Variants in PTP4A3 observed in about 807,000 individuals in gnomAD.
PTP4A3 encodes the protein protein tyrosine phosphatase 4A3.
Under a neutral mutation model 15.2 loss-of-function variants are expected in PTP4A3, and 9 were observed. The observed-to-expected ratio is 0.59, with a 90% CI of 0.36 to 1.03. PTP4A3 has a LOEUF of 1.03. Ranked by LOEUF, PTP4A3 falls within the 50% of genes least tolerant of loss-of-function variation. PTP4A3 has a pLI of 0.02. For synonymous variants in PTP4A3, 95 were observed against 102.0 expected, an observed-to-expected ratio of 0.93 and a Z score of 0.41; for missense variants, 234 against 252.1, an observed-to-expected ratio of 0.93 and a Z score of 0.49.
At chr8:141,399,518 C>T (rs994240205) in intron 1 of PTP4A3, among the ~76,000 whole-genome samples, 19 of 152,210 alleles carry the variant, frequency 1.2e-4, no homozygotes, top group Non-Finnish European at 2.5e-4. Context: ...AAGGCCTGGC[C>T]CTGGCTCTGC....
chr8:141,400,209 C>T (rs1209390785), intron 1 of PTP4A3, among the ~76,000 whole-genome samples: 1 of 151,982 alleles, frequency 6.6e-6, no homozygotes, highest in African/African-American at 2.4e-5. Context: ...TGTGCCTGGC[C>T]TGCCTCTGCG....
intron 1 of PTP4A3, among the ~76,000 whole-genome samples, chr8:141,410,438 C>T (rs1448505802): frequency 6.6e-6 from 1 of 152,258 alleles, no homozygotes; most frequent in Non-Finnish European, 1.5e-5. Flanking sequence ...GAAGCCCCAT[C>T]CACGCAGGCT....
chr8:141,405,131 G>A (rs1305295832), intron 1 of PTP4A3, among the ~76,000 whole-genome samples: 2 of 152,188 alleles, frequency 1.3e-5, no homozygotes, highest in Non-Finnish European at 2.9e-5. Flanking sequence ...GGGCTGCAGG[G>A]GCTGACCCAG....
chr8:141,395,677 G>T (rs1832431387), intron 1 of PTP4A3, among the ~76,000 whole-genome samples: 1 of 132,844 alleles, frequency 7.5e-6, no homozygotes, highest in Non-Finnish European at 1.5e-5. Context: ...TGGGGAAGGT[G>T]CGTGGGCCAC....
intron 3 of PTP4A3, chr8:141,426,455 CCCTGTCTTCAGT>C (rs1833581963): frequency 4.1e-6 from 4 of 985,454 alleles, no homozygotes; most frequent in African/African-American, 1.7e-5. Context: ...CGCCCCACAG[CCCTGTCTTCAGT>C]CCTTCCTGGC....
chr8:141,428,043 C>T (rs1011314946), intron 5 of PTP4A3, among the ~76,000 whole-genome samples: 3 of 151,962 alleles, frequency 2.0e-5, no homozygotes, highest in Admixed American at 6.6e-5. Flanking sequence ...AGGGACACAG[C>T]GAGGCCACCC....
In PTP4A3 at chr8:141,427,069, G is replaced by A. The variant is rs750716794; in HGVS notation, c.329G>A (p.Arg110Gln). The change falls in exon 4 of 6, where the codon CGG (arginine) becomes CAG (glutamine). Residue 110 changes from arginine (R) to glutamine (Q), a missense_variant and splice_region_variant. Transcript: ENST00000521578. ...VAVHCVAGLGRAPVLVALALI... is the reference protein window; with the variant it reads ...VAVHCVAGLGQAPVLVALALI... The stretch of plus-strand genomic sequence containing the variant: ...GTGCACTGCGTGGCGGGCCTGGGCC[G>A]GTGAGTGTCGGGGCGGGGTAGGGCT... The A allele has an allele frequency of 1.0e-5, 16 of 1,597,518 alleles. No individual in the cohort carries two copies. The highest frequency in any genetic ancestry group is 3.3e-5 in the South Asian group (3 of 90,966).
intron 3 of PTP4A3, 53 bp from the exon 4 acceptor site, chr8:141,426,886 C>T (rs780002553): frequency 1.9e-4 from 302 of 1,579,622 alleles, no homozygotes; most frequent in Non-Finnish European, 2.4e-4. Context: ...GCCCCAGAGC[C>T]GCCTCTCTAC....
At position 141,395,671 on chromosome 8, in the gene PTP4A3, G is replaced by A. The variant is rs1375553905; in HGVS notation, c.-854+3587G>A. On this transcript the variant is annotated intron_variant, in intron 1 of 5. Transcript: ENST00000521578. ...TGCAGCCCCCGTTCATCTACCTGGG[G>A]AAGGTGCGTGGGCCACCCCTCCCTC... Among the ~76,000 whole-genome samples, 90 of 85,058 alleles carry A rather than the reference G, an allele frequency of 1.1e-3. 1 individual carries two copies. Among genetic ancestry groups the A allele is most frequent in the African/African-American group, 2.3e-3 (35 of 15,426 alleles). 55.8% of individuals were successfully genotyped at this position (85,058 alleles called of 152,430 possible).
chr8:141,423,204 C>T (rs1463184662), intron 2 of PTP4A3, among the ~76,000 whole-genome samples: 4 of 152,218 alleles, frequency 2.6e-5, no homozygotes, highest in African/African-American at 9.6e-5. Flanking sequence ...TGTAGAGCAG[C>T]AGGAGGCATT....
chr8:141,418,361 C>T (rs1833153184), intron 1 of PTP4A3, among the ~76,000 whole-genome samples: 1 of 152,222 alleles, frequency 6.6e-6, no homozygotes, highest in Non-Finnish European at 1.5e-5. Context: ...GGTAGCCTCC[C>T]TGAACCTCGA....
At chr8:141,395,209 G>A (rs1458930954) in intron 1 of PTP4A3, among the ~76,000 whole-genome samples, 1 of 147,506 alleles carries the variant, frequency 6.8e-6, no homozygotes, top group Non-Finnish European at 1.5e-5. Flanking sequence ...GGCAGAGAGT[G>A]TGCGCGTGTC....
chr8:141,427,133 C>G, intron 4 of PTP4A3, 64 bp downstream of exon 4: 1 of 1,568,184 alleles, frequency 6.4e-7, no homozygotes, highest in Non-Finnish European at 8.6e-7. Context: ...GGTCTGACAG[C>G]CTCGCTTTTG....
rs1410017056 is a variant in PTP4A3, at chr8:141,425,381, C to T, written c.198+241C>T. 2.6e-5 allele frequency among the ~76,000 whole-genome samples: 4 copies of T among 152,076 alleles called. No homozygotes were observed. Among genetic ancestry groups the T allele is most frequent in the African/African-American group, 4.8e-5 (2 of 41,404 alleles). On this transcript the variant is annotated intron_variant, in intron 3 of 5. Transcript: ENST00000521578. The surrounding 1 kb of genome is among the most constrained non-coding windows in gnomAD (Gnocchi z 4.2). ...GTCTCTAGGGTGGGCCAGCACGGTT[C>T]GCCAGGCAGGGGTGGCACATGCTTG...
At chr8:141,412,136 C>T (rs1832886543) in intron 1 of PTP4A3, among the ~76,000 whole-genome samples, 1 of 152,194 alleles carries the variant, frequency 6.6e-6, no homozygotes, top group Non-Finnish European at 1.5e-5. Context: ...TATGGGGGTG[C>T]TGCGCTGGGC....
chr8:141,424,918 G>T, intron 2 of PTP4A3, 130 bp from the exon 3 acceptor site: 3 of 753,494 alleles, frequency 4.0e-6, no homozygotes, highest in Admixed American at 2.3e-5. Context: ...AGAGGTCTGA[G>T]GGGACATGTC....
intron 4 of PTP4A3, 149 bp downstream of exon 4, chr8:141,427,218 G>A: frequency 1.7e-6 from 2 of 1,185,074 alleles, no homozygotes; most frequent in Non-Finnish European, 2.3e-6. Flanking sequence ...CTCCCAGACT[G>A]GTCCTCTCCC....
At chr8:141,415,395 T>TAG (rs1425396730) in intron 1 of PTP4A3, among the ~76,000 whole-genome samples, 1 of 150,140 alleles carries the variant, frequency 6.7e-6, no homozygotes, top group Non-Finnish European at 1.5e-5. Context: ...TACAGGGCCC[T>TAG]AGGGACCGCC....
rs199642324 is a variant in PTP4A3, at chr8:141,422,230, C to T, written c.-11C>T. The stretch of plus-strand genomic sequence containing the variant: ...GTCCCTTCTGCCCTGCCGGGCCCGT[C>T]GGGAGGCGCCATGGCTCGGATGAAC... On this transcript the variant is annotated 5_prime_UTR_variant, in exon 2 of 6. Coordinates refer to ENST00000521578, the MANE Select transcript of PTP4A3 (RefSeq NM_032611.3). 303 of 1,612,798 alleles carry T rather than the reference C, an allele frequency of 1.9e-4. No homozygotes were observed. The African/African-American group carries it at 2.8e-3, about 15-fold the overall frequency.
Sources: gnomAD v4.1 joint callset for allele counts (sites outside exome capture counted in the v4.1 genomes callset) on GRCh38, gnomAD v4.1.1 for gene constraint, Gnocchi (gnomAD v3.1) non-coding constraint, MANE v1.5 for transcripts, NCBI Gene and HGNC (gene_info 2026-07-23, HGNC 2026-07-21) for gene names.